Variants in SHPRH observed in about 807,000 individuals in gnomAD.
The protein encoded by SHPRH is E3 ubiquitin-protein ligase SHPRH.
A neutral mutation model predicts 202.5 loss-of-function variants in SHPRH; 106 were observed. That is an observed-to-expected ratio of 0.52 (90% CI 0.45 to 0.62). The LOEUF (loss-of-function observed/expected upper bound fraction) is 0.62. Among genes scored for constraint, SHPRH ranks in the 20% least tolerant of loss-of-function variants. The pLI is 0.00. For synonymous variants in SHPRH, 729 were observed against 686.0 expected, an observed-to-expected ratio of 1.06 and a Z score of -0.98; for missense variants, 1,710 against 2,020.0, an observed-to-expected ratio of 0.85 and a Z score of 2.94.
chr6:145,948,166 T>C (rs1411344431), intron 5 of SHPRH, 106 bp downstream of exon 5: 2 of 730,664 alleles, frequency 2.7e-6, no homozygotes, highest in Non-Finnish European at 4.4e-6. Context: ...TCACCTTTGA[T>C]TCCTTCATGA....
chr6:145,866,617 A>G (rs978839609), intron 2 of SHPRH, among the ~76,000 whole-genome samples: 3 of 152,192 alleles, frequency 2.0e-5, no homozygotes, highest in Non-Finnish European at 4.4e-5. Context: ...CTCCTTTTGC[A>G]AGTGGCCAGA....
intron 22 of SHPRH, chr6:145,918,678 G>C (rs1185206711): frequency 6.6e-6 from 1 of 152,280 alleles, no homozygotes; most frequent in African/African-American, 2.4e-5. Flanking sequence ...CAAACAAGAC[G>C]AATTTATTTT....
At chr6:145,952,937 T>C (rs1788136629) in intron 2 of SHPRH, among the ~76,000 whole-genome samples, 1 of 152,116 alleles carries the variant, frequency 6.6e-6, no homozygotes, top group African/African-American at 2.4e-5. Context: ...TTGATTAATG[T>C]TAATATTTTG....
intron 25 of SHPRH, among the ~76,000 whole-genome samples, chr6:145,896,767 T>C (rs1165906574): frequency 1.3e-5 from 2 of 151,994 alleles, no homozygotes; most frequent in South Asian, 2.1e-4. Flanking sequence ...AACAAAAATA[T>C]AGAAATTAAA....
At chr6:145,904,334 T>C (rs1023079312) in intron 25 of SHPRH, 1 of 152,068 alleles carries the variant, frequency 6.6e-6, no homozygotes, top group African/African-American at 2.4e-5. Context: ...AACAACGATT[T>C]GATAATCAAC....
chr6:145,954,675 C>T lies in SHPRH; in HGVS notation c.633+15G>A, dbSNP rs374092738. 5.8e-6 allele frequency: 9 copies of T among 1,547,370 alleles called. No individual in the cohort carries two copies. Among genetic ancestry groups the T allele is most frequent in the Non-Finnish European group, 6.1e-6 (7 of 1,153,538 alleles). ...TAGAAGAGCCTCAAAAAAGACACCA[C>T]AAAAAACTGAGTACCTTGATAATGT... On this transcript the variant is annotated intron_variant, in intron 2 of 29. Coordinates refer to ENST00000275233, the MANE Select transcript of SHPRH (RefSeq NM_001042683.3).
intron 1 of SHPRH, among the ~76,000 whole-genome samples, chr6:145,963,203 T>C (rs940025321): frequency 6.6e-6 from 1 of 152,256 alleles, no homozygotes; most frequent in African/African-American, 2.4e-5. Flanking sequence ...GCATGTTTAC[T>C]AATCATAAAC....
At chr6:145,924,292 AGT>A (rs5880660) in intron 17 of SHPRH, among the ~76,000 whole-genome samples, 83,027 of 151,454 alleles carry the variant, frequency 0.55, 23,215 homozygotes, top group Admixed American at 0.67. Context: ...TGAAAATAAA[AGT>A]GTATTTGTGT....
At chr6:145,932,240 T>G (rs1032924008) in intron 14 of SHPRH, among the ~76,000 whole-genome samples, 5 of 152,156 alleles carry the variant, frequency 3.3e-5, no homozygotes, top group African/African-American at 7.2e-5. Context: ...GTCTATATGG[T>G]GCTTATTAAA....
chr6:145,922,688 G>A lies in SHPRH; in HGVS notation c.3694C>T (p.Arg1232Ter), dbSNP rs749605640. The A allele has an allele frequency of 1.1e-5, 17 of 1,608,160 alleles. 1 individual carries two copies. In the Admixed American group the frequency reaches 2.5e-4, roughly 24 times the overall value. The change falls in exon 19 of 30, where the codon CGA becomes TGA. Residue 1232 changes from arginine (R) to a stop codon, truncating the protein, a stop_gained. Coordinates refer to ENST00000275233, the MANE Select transcript of SHPRH (RefSeq NM_001042683.3). LOFTEE classifies it high-confidence loss of function. ...VIESATVCHL[R>*]PARLPLNCCV... The stretch of plus-strand genomic sequence containing the variant: ...CAGTTGAGAGGAAGTCTGGCTGGTC[G>A]GAGGTGACAGACTGTTGCAGACTCA...
At chr6:145,892,509 T>C (rs1781653182) in intron 28 of SHPRH, among the ~76,000 whole-genome samples, 1 of 152,184 alleles carries the variant, frequency 6.6e-6, no homozygotes, top group Admixed American at 6.6e-5. Context: ...ATGCCTGACA[T>C]ACAGTAGGTG....
chr6:145,959,842 T>C (rs554286754), intron 1 of SHPRH, among the ~76,000 whole-genome samples: 25 of 152,342 alleles, frequency 1.6e-4, no homozygotes, highest in Admixed American at 3.3e-4. Context: ...TCAACTACTT[T>C]TAAAGCATCT....
In SHPRH at chr6:145,951,881, G is replaced by A. The variant is rs967011661; in HGVS notation, c.763+468C>T. On this transcript the variant is annotated intron_variant, in intron 3 of 29. Coordinates refer to ENST00000275233, the MANE Select transcript of SHPRH (RefSeq NM_001042683.3). The stretch of plus-strand genomic sequence containing the variant: ...CCACACTCTCCCAAGGTGACCAATG[G>A]CAGACAACTCTGAATCTGCAGTCCT... 1.8e-4 allele frequency: 82 copies of A among 455,820 alleles called. No individual in the cohort carries two copies. The Admixed American group carries it at 1.9e-3, about 10-fold the overall frequency. 28.2% of individuals were successfully genotyped at this position (455,820 alleles called of 1,614,324 possible).
chr6:145,937,005 A>G (rs1327151727), intron 11 of SHPRH, among the ~76,000 whole-genome samples: 1 of 132,896 alleles, frequency 7.5e-6, no homozygotes, highest in Non-Finnish European at 1.6e-5. Context: ...TTTTTTTGAG[A>G]CAGAGTCTTG....
intron 2 of SHPRH, among the ~76,000 whole-genome samples, chr6:145,868,590 A>G (rs1486168389): frequency 1.3e-5 from 2 of 152,242 alleles, no homozygotes; most frequent in African/African-American, 4.8e-5. Context: ...GTGTTAAGGT[A>G]CGACACAGGA....
chr6:145,867,700 A>C (rs1235283235), intron 2 of SHPRH, among the ~76,000 whole-genome samples: 8 of 141,706 alleles, frequency 5.6e-5, no homozygotes, highest in South Asian at 4.6e-4. Flanking sequence ...CACAGACAGA[A>C]GAGAAAAGGC....
chr6:145,857,899 G>A, the SHPRH span, among the ~76,000 whole-genome samples: 1 of 152,018 alleles, frequency 6.6e-6, no homozygotes, highest in African/African-American at 2.4e-5. Flanking sequence ...CAATTAAAAC[G>A]TGTTTACAAT....
rs1787519585 is a variant in SHPRH, at chr6:145,947,529, T to C, written c.1176A>G (p.Arg392=). Residue 392 remains arginine (R), a synonymous_variant, in exon 6 of 30, where the codon CGA becomes CGG. Coordinates refer to ENST00000275233, the MANE Select transcript of SHPRH (RefSeq NM_001042683.3). The stretch of plus-strand genomic sequence containing the variant: ...TGAGAGCATCTTGCTTGACATCTTG[T>C]CGAGTATGTGTCAGAATCAGAGCCA... ...EVLALILTHT[R]QDVKQDALTL... is the part of the protein sequence containing the mutation. 1 of 1,612,958 alleles carries C rather than the reference T, an allele frequency of 6.2e-7. No homozygotes were observed. Among genetic ancestry groups the C allele is most frequent in the African/African-American group, 1.3e-5 (1 of 74,926 alleles).
rs1785656049 is a variant in SHPRH, at chr6:145,933,192, T to C, written c.2991-14A>G. On this transcript the variant is annotated splice_polypyrimidine_tract_variant and intron_variant, in intron 13 of 29. Transcript: ENST00000275233. ...ATTGTCATGGTGCTAAAAGAAAAGG[T>C]AGACTGTTCAAAACTAGAAAGAAAA... is the stretch of plus-strand genomic sequence containing the variant. The C allele has an allele frequency of 2.5e-6, 4 of 1,613,672 alleles. No homozygotes were observed. In the South Asian group the frequency reaches 3.3e-5, roughly 13 times the overall value.
Sources: gnomAD v4.1 joint callset for allele counts (sites outside exome capture counted in the v4.1 genomes callset) on GRCh38, gnomAD v4.1.1 for gene constraint, MANE v1.5 for transcripts, NCBI Gene and HGNC (gene_info 2026-07-23, HGNC 2026-07-21) for gene names.